Variants in CNTNAP3B observed in about 807,000 individuals in gnomAD.
CNTNAP3B encodes contactin associated protein family member 3B, also known as contactin-associated protein-like 3B.
CNTNAP3B carries 25 observed loss-of-function variants against 108.9 expected under a neutral mutation model. The ratio of observed to expected loss-of-function variants is 0.23; its 90% CI spans 0.17 to 0.32. The LOEUF is 0.32. Ranked by LOEUF, CNTNAP3B falls within the 10% of genes least tolerant of loss-of-function variation. The probability of loss-of-function intolerance (pLI) is 1.00; values close to 1 mark genes in which losing one functional copy is unlikely to be tolerated. For synonymous variants in CNTNAP3B, 103 were observed against 473.4 expected (o/e 0.22, Z 10.16); for missense variants, 252 against 1,210.4 (o/e 0.21, Z 11.75).
chr9:42,114,702 T>C (rs1305680429), intron 1 of CNTNAP3B, among the ~76,000 whole-genome samples: 1 of 120,356 alleles, frequency 8.3e-6, no homozygotes, highest in Non-Finnish European at 1.7e-5. Context: ...ACAACATCGT[T>C]CATCAAATGT....
chr9:41,990,727 G>A (rs1825790489), intron 8 of CNTNAP3B, among the ~76,000 whole-genome samples: 1 of 134,652 alleles, frequency 7.4e-6, no homozygotes, highest in Non-Finnish European at 1.6e-5. Context: ...GTCAATTTAG[G>A]ACCCAGTGCT....
chr9:41,973,091 C>G (rs1208463265), intron 9 of CNTNAP3B, among the ~76,000 whole-genome samples: 1 of 139,608 alleles, frequency 7.2e-6, no homozygotes, highest in Admixed American at 7.1e-5. Flanking sequence ...ACACGCACCA[C>G]CATGCCCTGC....
Position 42,044,575 on chromosome 9 carries a change from C to T in CNTNAP3B, c.391-31050G>A, listed in dbSNP as rs560899313. Among the ~76,000 whole-genome samples the T allele has an allele frequency of 9.3e-4, 112 of 121,068 alleles. 3 individuals are homozygous for T. In the Middle Eastern group the frequency reaches 0.012, roughly 13 times the overall value. 79.4% of individuals were successfully genotyped at this position (121,068 alleles called of 152,430 possible). ...ACTCCCTGGGCTAGGAAACAAGGAG[C>T]GCACAGGCTGGGGCCCAGAGAGTTT... On this transcript the variant is annotated intron_variant, in intron 3 of 23. Coordinates refer to ENST00000377561, the MANE Select transcript of CNTNAP3B (RefSeq NM_001201380.3).
Position 41,937,114 on chromosome 9 carries a change from T to TTATTATTATTATTA in CNTNAP3B, c.2237+1129_2237+1130insTAATAATAATAATA, listed in dbSNP as rs1554739561. Among the ~76,000 whole-genome samples the TTATTATTATTATTA allele has an allele frequency of 8.1e-3, 1,144 of 141,142 alleles. 11 individuals are homozygous for TTATTATTATTATTA. Among genetic ancestry groups the TTATTATTATTATTA allele is most frequent in the Middle Eastern group, 0.018 (5 of 272 alleles). 92.6% of individuals were successfully genotyped at this position (141,142 alleles called of 152,430 possible). ...GACCATTACATTTTTTATTTATTAA[T>TTATTATTATTATTA]TTATTATTATTATTATTATTATTAT... On this transcript the variant is annotated intron_variant, in intron 14 of 23. Coordinates refer to ENST00000377561, the MANE Select transcript of CNTNAP3B (RefSeq NM_001201380.3).
chr9:41,965,327 T>C (rs1214335448), intron 10 of CNTNAP3B, among the ~76,000 whole-genome samples: 3 of 152,090 alleles, frequency 2.0e-5, no homozygotes, highest in East Asian at 1.9e-4. Flanking sequence ...AAAAGAACAG[T>C]TGGAGGTCTC....
At chr9:42,127,774 A>G (rs1306353461) in intron 1 of CNTNAP3B, among the ~76,000 whole-genome samples, 1 of 139,508 alleles carries the variant, frequency 7.2e-6, no homozygotes, top group Non-Finnish European at 1.5e-5. Flanking sequence ...CTGAGGCACA[A>G]CTGAATCATG....
intron 11 of CNTNAP3B, among the ~76,000 whole-genome samples, chr9:41,962,843 T>C (rs2118219841): frequency 6.6e-6 from 1 of 152,246 alleles, no homozygotes; most frequent in South Asian, 2.1e-4. Context: ...TAGTCCCAGG[T>C]ACTCGGGAGG....
At chr9:41,939,918 C>G (rs1824282229) in intron 13 of CNTNAP3B, among the ~76,000 whole-genome samples, 1 of 151,764 alleles carries the variant, frequency 6.6e-6, no homozygotes, top group Non-Finnish European at 1.5e-5. Flanking sequence ...GAAGAGAATT[C>G]TGAAAAGTAG....
intron 13 of CNTNAP3B, among the ~76,000 whole-genome samples, chr9:41,943,564 G>C (rs1263702643): frequency 3.3e-5 from 5 of 151,642 alleles, no homozygotes; most frequent in African/African-American, 9.7e-5. Context: ...GTGGTAGCCA[G>C]GATGGTCTGG....
In CNTNAP3B at chr9:42,030,909, C is replaced by A. The variant is rs1395395434; in HGVS notation, c.391-17384G>T. On this transcript the variant is annotated intron_variant, in intron 3 of 23. Coordinates refer to ENST00000377561, the MANE Select transcript of CNTNAP3B (RefSeq NM_001201380.3). ...CAAGGGGACCACATAGGGTTCTCAG[C>A]CTCTTTCAAGGCCCAAGGATCTCTC... 5.4e-3 allele frequency among the ~76,000 whole-genome samples: 593 copies of A among 108,996 alleles called. 25 individuals are homozygous for A. Among genetic ancestry groups the A allele is most frequent in the African/African-American group, 0.021 (561 of 26,412 alleles). 71.5% of individuals were successfully genotyped at this position (108,996 alleles called of 152,430 possible).
At chr9:42,071,206 T>G (rs1302349512) in intron 3 of CNTNAP3B, among the ~76,000 whole-genome samples, 11 of 133,252 alleles carry the variant, frequency 8.3e-5, no homozygotes, top group South Asian at 2.5e-4. Flanking sequence ...GCGGGTGGGG[T>G]GGGGAGGGCA....
At chr9:41,950,747 C>CTTT (rs1196034038) in intron 13 of CNTNAP3B, among the ~76,000 whole-genome samples, 48 of 92,432 alleles carry the variant, frequency 5.2e-4, no homozygotes, top group South Asian at 1.1e-3. Context: ...AGGAGGAATT[C>CTTT]TTTTTTTTTT....
In CNTNAP3B at chr9:42,129,168, G is replaced by T; in HGVS notation, c.-74C>A. 1 of 1,492,482 alleles carries T rather than the reference G, an allele frequency of 6.7e-7. No individual in the cohort carries two copies. The highest frequency in any genetic ancestry group is 9.0e-7 in the Non-Finnish European group (1 of 1,112,828). The allele number at this position is 1,492,482 out of a possible 1,614,324, so 92.5% of individuals were successfully genotyped here. On this transcript the variant is annotated 5_prime_UTR_variant, in exon 1 of 24. Coordinates refer to ENST00000377561, the MANE Select transcript of CNTNAP3B (RefSeq NM_001201380.3). The stretch of plus-strand genomic sequence containing the variant: ...CTGCGTCGTTCCTGCTCTCACTCCC[G>T]CTCTCACTCCCGTCCCCTGCGCGGC...
chr9:42,087,447 C>CTGCAGTAAGTAG (rs1827728716), intron 2 of CNTNAP3B, among the ~76,000 whole-genome samples: 1 of 120,910 alleles, frequency 8.3e-6, no homozygotes, highest in Admixed American at 8.4e-5. Context: ...TTACTACTTG[C>CTGCAGTAAGTAG]TATAACTGCA....
intron 2 of CNTNAP3B, among the ~76,000 whole-genome samples, chr9:42,099,801 C>T (rs1430063299): frequency 2.2e-5 from 2 of 90,732 alleles, no homozygotes; most frequent in South Asian, 3.7e-4. Context: ...CATGAAAACA[C>T]ACGGGTTATC....
intron 13 of CNTNAP3B, among the ~76,000 whole-genome samples, chr9:41,944,769 G>C (rs1472484123): frequency 0.027 from 4,023 of 150,794 alleles, 20 homozygotes; most frequent in East Asian, 0.21. Flanking sequence ...ATTGACAAAT[G>C]GGATCTAATT....
intron 3 of CNTNAP3B, among the ~76,000 whole-genome samples, chr9:42,030,783 A>T (rs1487682120): frequency 1.1e-5 from 1 of 91,268 alleles, no homozygotes; most frequent in Admixed American, 1.1e-4. Context: ...AGAGAGAGAG[A>T]GATGTGTGCG....
intron 3 of CNTNAP3B, among the ~76,000 whole-genome samples, chr9:42,058,369 G>A (rs1433291773): frequency 4.6e-5 from 7 of 151,216 alleles, no homozygotes; most frequent in African/African-American, 1.2e-4. Flanking sequence ...CATCTTCATC[G>A]ACACTTGTTA....
At chr9:42,033,606 TTA>T (rs1826565039) in intron 3 of CNTNAP3B, among the ~76,000 whole-genome samples, 1 of 91,272 alleles carries the variant, frequency 1.1e-5, no homozygotes, top group Admixed American at 1.2e-4. Context: ...CTGAGAAATA[TTA>T]TCTTTTAGTT....
Sources: allele counts gnomAD v4.1 joint callset (sites outside exome capture counted in the v4.1 genomes callset), GRCh38; gene constraint gnomAD v4.1.1; transcripts MANE v1.5; gene names NCBI Gene and HGNC (gene_info 2026-07-23, HGNC 2026-07-21).